Variants in CTIF observed in about 807,000 individuals in gnomAD.
The protein encoded by CTIF is CBP80/20-dependent translation initiation factor.
A neutral mutation model predicts 66.0 loss-of-function variants in CTIF; 21 were observed. The ratio of observed to expected loss-of-function variants is 0.32; its 90% CI spans 0.23 to 0.46. The LOEUF (loss-of-function observed/expected upper bound fraction) is 0.46. Among genes scored for constraint, CTIF ranks in the 20% least tolerant of loss-of-function variants. The pLI is 1.00. For missense variants in CTIF, 739 were observed against 812.7 expected (o/e 0.91, Z 1.10); for synonymous variants, 345 against 326.4 (o/e 1.06, Z -0.62).
At chr18:48,751,295 C>T (rs1455311660) in intron 7 of CTIF, among the ~76,000 whole-genome samples, 6 of 152,164 alleles carry the variant, frequency 3.9e-5, no homozygotes, top group Admixed American at 2.0e-4. Flanking sequence ...CACTGGGTTC[C>T]GCTCATTATG....
At chr18:48,773,923 C>T (rs1910412127) in intron 9 of CTIF, among the ~76,000 whole-genome samples, 1 of 152,176 alleles carries the variant, frequency 6.6e-6, no homozygotes, top group Middle Eastern at 3.2e-3. Flanking sequence ...AGCAGGAATG[C>T]CACACTTGGC....
At chr18:48,748,256 C>T (rs1907446481) in intron 7 of CTIF, among the ~76,000 whole-genome samples, 1 of 152,018 alleles carries the variant, frequency 6.6e-6, no homozygotes, top group African/African-American at 2.4e-5. Context: ...GGGAAAGGCT[C>T]CCCTAGGGTT....
intron 10 of CTIF, among the ~76,000 whole-genome samples, chr18:48,845,106 A>G (rs964467665): frequency 6.6e-6 from 1 of 150,736 alleles, no homozygotes; most frequent in African/African-American, 2.5e-5. Context: ...GGCAAGTTCC[A>G]AAAACAAAGA....
intron 4 of CTIF, 34 bp downstream of exon 4, chr18:48,663,859 AG>A (rs2091388986): frequency 6.3e-7 from 1 of 1,599,972 alleles, no homozygotes; most frequent in Admixed American, 1.7e-5. Flanking sequence ...CTGTGGTGTG[AG>A]GTCCAGCCGG....
intron 3 of CTIF, among the ~76,000 whole-genome samples, chr18:48,657,740 G>A (rs1277491186): frequency 6.6e-6 from 1 of 152,188 alleles, no homozygotes; most frequent in African/African-American, 2.4e-5. Context: ...ACTCATGGGA[G>A]TGGGAGGGTG....
chr18:48,594,783 A>G (rs1355166969), intron 1 of CTIF, among the ~76,000 whole-genome samples: 7 of 152,208 alleles, frequency 4.6e-5, no homozygotes, highest in Non-Finnish European at 1.0e-4. Flanking sequence ...AGAAGACTAG[A>G]ACTATCCAAG....
chr18:48,626,947 G>A (rs769883007), intron 2 of CTIF, among the ~76,000 whole-genome samples: 18 of 152,130 alleles, frequency 1.2e-4, no homozygotes, highest in Non-Finnish European at 1.9e-4. Flanking sequence ...GTGAGCCACT[G>A]TGCCTGGCCA....
chr18:48,564,378 C>T (rs980762846), intron 1 of CTIF, among the ~76,000 whole-genome samples: 1 of 152,108 alleles, frequency 6.6e-6, no homozygotes, highest in African/African-American at 2.4e-5. Flanking sequence ...TGTCACAGCC[C>T]GGGGACAGCC....
chr18:48,685,032 T>A (rs1480777142), intron 6 of CTIF, among the ~76,000 whole-genome samples: 1 of 132,292 alleles, frequency 7.6e-6, no homozygotes, highest in South Asian at 2.2e-4. Context: ...TTGTTTGTAT[T>A]TTTTTTTTTT....
At chr18:48,576,587 TTTTTCCAGATTCGC>T (rs1466972629) in intron 1 of CTIF, among the ~76,000 whole-genome samples, 1 of 152,224 alleles carries the variant, frequency 6.6e-6, no homozygotes, top group Non-Finnish European at 1.5e-5. Context: ...ATGGAGGTTC[TTTTTCCAGATTCGC>T]TGTGCCAGCC....
rs774872063 is a variant in CTIF at position 48,861,766 on chromosome 18, TCTC to T, written c.*2210_*2212del. ...TGTTGTGGGCACCTTGGGGCCTGAT[TCTC>T]CTTCCTCCGAACGGGCTCCTTGATG... On this transcript the variant is annotated 3_prime_UTR_variant, in exon 12 of 12. Coordinates refer to ENST00000256413, the MANE Select transcript of CTIF (RefSeq NM_014772.3). 2 of 152,272 alleles carry T rather than the reference TCTC, an allele frequency of 1.3e-5. No homozygotes were observed. The highest frequency in any genetic ancestry group is 2.9e-5 in the Non-Finnish European group (2 of 68,106). 9.4% of individuals were successfully genotyped at this position (152,272 alleles called of 1,614,324 possible).
rs555705857 is a variant in CTIF, at chr18:48,766,851, C to T, written c.1371+5162C>T. ...TCTTCTTGTCATCACCCTGAACCTC[C>T]TCCTTGATGAGATGAAAGCCACCTC... On this transcript the variant is annotated intron_variant, in intron 9 of 11. Coordinates refer to ENST00000256413, the MANE Select transcript of CTIF (RefSeq NM_014772.3). Among the ~76,000 whole-genome samples, 35 of 71,072 alleles carry T rather than the reference C, an allele frequency of 4.9e-4. No homozygotes were observed. In the South Asian group the frequency reaches 0.017, roughly 34 times the overall value. The allele number at this position is 71,072 out of a possible 152,430, so 46.6% of individuals were successfully genotyped here.
intron 3 of CTIF, among the ~76,000 whole-genome samples, chr18:48,642,416 A>G (rs2090951503): frequency 6.6e-6 from 1 of 152,180 alleles, no homozygotes; most frequent in African/African-American, 2.4e-5. Context: ...GGAAGAGAGA[A>G]GAAGATGAAG....
At chr18:48,819,475 G>C (rs1044800795) in intron 10 of CTIF, among the ~76,000 whole-genome samples, 5 of 152,210 alleles carry the variant, frequency 3.3e-5, no homozygotes, top group African/African-American at 1.2e-4. Flanking sequence ...GTCGTCACCT[G>C]CTCCTCCGAG....
At chr18:48,619,426 C>A (rs190991462) in intron 1 of CTIF, 112 bp from the exon 2 acceptor site, 2 of 675,970 alleles carry the variant, frequency 3.0e-6, no homozygotes, top group South Asian at 3.3e-5. Flanking sequence ...AAGAACAGAA[C>A]GCCATGATGG....
chr18:48,576,189 G>A (rs953414902), intron 1 of CTIF, among the ~76,000 whole-genome samples: 5 of 152,272 alleles, frequency 3.3e-5, no homozygotes, highest in African/African-American at 1.2e-4. Context: ...CTTGCACTGA[G>A]GCTGCCCGGG....
At chr18:48,598,662 G>A (rs906642711) in intron 1 of CTIF, among the ~76,000 whole-genome samples, 4 of 152,190 alleles carry the variant, frequency 2.6e-5, no homozygotes, top group East Asian at 1.9e-4. Flanking sequence ...TGGTGTGGGC[G>A]GGCAGGCTCC....
chr18:48,578,784 C>T (rs893728205), intron 1 of CTIF, among the ~76,000 whole-genome samples: 15 of 152,248 alleles, frequency 9.9e-5, no homozygotes, highest in African/African-American at 2.9e-4. Context: ...TCTCCCATTC[C>T]GTGCATTGTC....
rs2091403382 is a variant in CTIF at position 48,664,566 on chromosome 18, G to T, written c.431+15G>T. On this transcript the variant is annotated intron_variant, in intron 5 of 11. Transcript: ENST00000256413. ...GACCGCGAAGGGTAAGGGGTGCTGGGGCTCTTACCCAGGGTGGGGTGGGGC... is the reference window on the plus strand; with the variant it reads ...GACCGCGAAGGGTAAGGGGTGCTGGTGCTCTTACCCAGGGTGGGGTGGGGC... 1 of 1,605,970 alleles carries T rather than the reference G, an allele frequency of 6.2e-7. No individual in the cohort carries two copies. Among genetic ancestry groups the T allele is most frequent in the Non-Finnish European group, 8.5e-7 (1 of 1,177,674 alleles).
Sources: gnomAD v4.1 joint callset for allele counts (sites outside exome capture counted in the v4.1 genomes callset) on GRCh38, gnomAD v4.1.1 for gene constraint, MANE v1.5 for transcripts, NCBI Gene and HGNC (gene_info 2026-07-23, HGNC 2026-07-21) for gene names.